The following ZNF827 variants were observed in gnomAD, a reference collection of about 807,000 sequenced individuals.
The protein encoded by ZNF827 is zinc finger protein 827.
Under a neutral mutation model 102.4 loss-of-function variants are expected in ZNF827, and 13 were observed. The observed-to-expected ratio is 0.13, with a 90% CI of 0.08 to 0.20. ZNF827 has a LOEUF of 0.20. ZNF827 is among the 10% of genes least tolerant of loss of function. The probability of loss-of-function intolerance (pLI) is 1.00; values close to 1 mark genes in which losing one functional copy is unlikely to be tolerated. For missense variants in ZNF827, 1,103 were observed against 1,344.4 expected (o/e 0.82, Z 2.81); for synonymous variants, 523 against 536.2 (o/e 0.98, Z 0.34).
At chr4:145,773,311 C>A (rs987482485) in intron 11 of ZNF827, among the ~76,000 whole-genome samples, 1 of 152,200 alleles carries the variant, frequency 6.6e-6, no homozygotes, top group South Asian at 2.1e-4. Flanking sequence ...CGGCTCTCTG[C>A]AGACCTCCAA....
At chr4:145,853,935 G>A (rs571954113) in intron 5 of ZNF827, among the ~76,000 whole-genome samples, 187 of 151,560 alleles carry the variant, frequency 1.2e-3, no homozygotes, top group African/African-American at 3.6e-3. Context: ...ATTACACTCC[G>A]GCATGGGCAA....
chr4:145,791,499 G>A (rs995967360), intron 8 of ZNF827, among the ~76,000 whole-genome samples: 1 of 152,144 alleles, frequency 6.6e-6, no homozygotes, highest in Non-Finnish European at 1.5e-5. Context: ...TCCTGTGAAC[G>A]TATGTCATAA....
Position 145,892,305 on chromosome 4 carries a change from G to T in ZNF827, c.1204C>A (p.His402Asn). ...CGGAATGGACAGAGCGGACACTGAT[G>T]ACTTTTTAAACCTGTGTGAATCACC... Reference protein sequence around the residue: ...HMVIHTGLKSHQCPLCPFRCA... With the variant: ...HMVIHTGLKSNQCPLCPFRCA... Residue 402 changes from histidine to asparagine, a missense_variant, in exon 3 of 15, where the codon CAT (histidine) becomes AAT (asparagine). Physicochemically the swap from His to Asn is moderately conservative, Grantham distance 68. This residue lies in a region of ZNF827 where 20 missense variants were observed against 60.6 expected (regional missense o/e 0.33). Coordinates refer to ENST00000508784, the MANE Select transcript of ZNF827 (RefSeq NM_001306215.2). 6.2e-7 allele frequency: 1 copy of T among 1,614,166 alleles called. No individual in the cohort carries two copies. The highest frequency in any genetic ancestry group is 8.5e-7 in the Non-Finnish European group (1 of 1,180,000).
At chr4:145,824,158 AG>A (rs1743435457) in intron 7 of ZNF827, among the ~76,000 whole-genome samples, 2 of 152,300 alleles carry the variant, frequency 1.3e-5, no homozygotes, top group South Asian at 4.2e-4. Flanking sequence ...AGTGATCCTA[AG>A]GTCCCCTAGT....
At chr4:145,925,360 A>T (rs1753350985) in intron 1 of ZNF827, among the ~76,000 whole-genome samples, 1 of 152,122 alleles carries the variant, frequency 6.6e-6, no homozygotes, top group African/African-American at 2.4e-5. Flanking sequence ...GATGCTTTAT[A>T]TGTCATTCCT....
intron 7 of ZNF827, among the ~76,000 whole-genome samples, chr4:145,827,429 A>G (rs535773378): frequency 6.6e-6 from 1 of 152,360 alleles, no homozygotes; most frequent in Non-Finnish European, 1.5e-5. Context: ...TTATTTCCCT[A>G]TAGAAGTTAA....
At chr4:145,820,220 G>A (rs1429022085) in intron 8 of ZNF827, 1 of 152,622 alleles carries the variant, frequency 6.6e-6, no homozygotes, top group Non-Finnish European at 1.5e-5. Flanking sequence ...AAGGCATCTG[G>A]ACTCTTCTTC....
intron 1 of ZNF827, among the ~76,000 whole-genome samples, chr4:145,932,099 A>G (rs1354330988): frequency 6.6e-6 from 1 of 152,220 alleles, no homozygotes; most frequent in Admixed American, 6.5e-5. Flanking sequence ...CCATCATTGA[A>G]GCAGAGATTG....
chr4:145,936,533 T>C (rs2127012584), intron 1 of ZNF827, among the ~76,000 whole-genome samples: 1 of 151,954 alleles, frequency 6.6e-6, no homozygotes, highest in Non-Finnish European at 1.5e-5. Context: ...GAAAGAGGAA[T>C]GTTTGCGGAG....
chr4:145,805,132 T>TGG (rs1399173681), intron 8 of ZNF827, among the ~76,000 whole-genome samples: 1 of 64,700 alleles, frequency 1.5e-5, no homozygotes, highest in Non-Finnish European at 4.9e-5. Context: ...CTTTTGTGTG[T>TGG]GTGTGTGTGT....
chr4:145,920,129 T>C (rs1396083448), intron 1 of ZNF827, among the ~76,000 whole-genome samples: 1 of 152,176 alleles, frequency 6.6e-6, no homozygotes, highest in Admixed American at 6.5e-5. Context: ...AGCTTTCCCT[T>C]TTTCCCAGGC....
chr4:145,800,635 C>T (rs914381052), intron 8 of ZNF827, among the ~76,000 whole-genome samples: 12 of 152,184 alleles, frequency 7.9e-5, no homozygotes, highest in Admixed American at 5.2e-4. Context: ...TCTGCCAACA[C>T]AATTTGGTGT....
intron 1 of ZNF827, among the ~76,000 whole-genome samples, chr4:145,915,293 C>A (rs2126940671): frequency 6.6e-6 from 1 of 152,112 alleles, no homozygotes; most frequent in East Asian, 1.9e-4. Flanking sequence ...ACTAAAAATG[C>A]AAAATTAGTT....
chr4:145,812,832 C>G (rs1250646524), intron 8 of ZNF827, among the ~76,000 whole-genome samples: 1 of 152,158 alleles, frequency 6.6e-6, no homozygotes, highest in Non-Finnish European at 1.5e-5. Flanking sequence ...CTGACCTAAA[C>G]CATTTTATTC....
intron 1 of ZNF827, among the ~76,000 whole-genome samples, chr4:145,913,020 C>A (rs1752398556): frequency 6.6e-6 from 1 of 152,106 alleles, no homozygotes; most frequent in Non-Finnish European, 1.5e-5. Flanking sequence ...TTACATAAAA[C>A]CGACCACATT....
chr4:145,885,969 G>C lies in ZNF827; in HGVS notation c.1456C>G (p.Leu486Val). ...GSPHLSDSAC[L>V]GQQREGGGTE... is the part of the protein sequence containing the mutation. ...CCTCCTCCTTCCCTTTGCTGCCCCA[G>C]GCAGGCACTGTCACTGAGGTGGGGA... The change falls in exon 4 of 15, where the codon CTG becomes GTG. Residue 486 changes from leucine to valine, a missense_variant. Transcript: ENST00000508784. The C allele has an allele frequency of 6.2e-7, 1 of 1,614,088 alleles. No individual in the cohort carries two copies. Among genetic ancestry groups the C allele is most frequent in the Non-Finnish European group, 8.5e-7 (1 of 1,179,984 alleles).
At chr4:145,871,973 A>G (rs943175325) in intron 4 of ZNF827, among the ~76,000 whole-genome samples, 2 of 152,162 alleles carry the variant, frequency 1.3e-5, no homozygotes, top group African/African-American at 4.8e-5. Context: ...TGGTCTCTGT[A>G]TTGTAACAAA....
At chr4:145,788,699 C>T (rs76219933) in intron 8 of ZNF827, among the ~76,000 whole-genome samples, 86 of 152,240 alleles carry the variant, frequency 5.6e-4, no homozygotes, top group African/African-American at 2.0e-3. Context: ...GTCTAAAGGA[C>T]CTGGTTATTA....
chr4:145,933,260 A>G (rs1209917291), intron 1 of ZNF827, among the ~76,000 whole-genome samples: 1 of 152,204 alleles, frequency 6.6e-6, no homozygotes, highest in Non-Finnish European at 1.5e-5. Flanking sequence ...ATTATCCAGC[A>G]TCAATCTAGA....
Sources: gnomAD v4.1 joint callset for allele counts (sites outside exome capture counted in the v4.1 genomes callset) on GRCh38, gnomAD v4.1.1 for gene constraint, gnomAD v4.1.1 regional missense constraint, MANE v1.5 for transcripts, NCBI Gene and HGNC (gene_info 2026-07-23, HGNC 2026-07-21) for gene names.